PUM2: variants seen among roughly 807,000 people sequenced by gnomAD.
The protein encoded by PUM2 is pumilio homolog 2.
PUM2 carries 57 observed loss-of-function variants against 124.5 expected under a neutral mutation model. The observed-to-expected ratio is 0.46, with a 90% CI of 0.37 to 0.57. The LOEUF is 0.57. Ranked by LOEUF, PUM2 falls within the 20% of genes least tolerant of loss-of-function variation. The pLI is 0.00. For synonymous variants in PUM2, 460 were observed against 446.1 expected, an observed-to-expected ratio of 1.03 and a Z score of -0.39; for missense variants, 1,065 against 1,290.6, an observed-to-expected ratio of 0.83 and a Z score of 2.68.
At chr2:20,324,938 TAAA>T (rs35178527) in intron 2 of PUM2, among the ~76,000 whole-genome samples, 3 of 141,894 alleles carry the variant, frequency 2.1e-5, no homozygotes, top group African/African-American at 5.2e-5. Flanking sequence ...CGTTTTGCAT[TAAA>T]AAAAAAAAAA....
chr2:20,313,527 C>A (rs957189309), intron 3 of PUM2, among the ~76,000 whole-genome samples: 1 of 152,122 alleles, frequency 6.6e-6, no homozygotes, highest in African/African-American at 2.4e-5. Flanking sequence ...ATAATATAAA[C>A]CTTCAGGGAT....
chr2:20,335,971 G>C lies in PUM2; in HGVS notation c.-18-8593C>G, dbSNP rs77768072. 7.1e-3 allele frequency among the ~76,000 whole-genome samples: 1,075 copies of C among 152,188 alleles called. 18 individuals carry two copies. The highest frequency in any genetic ancestry group is 0.025 in the African/African-American group (1,038 of 41,528). ...CCTCTTATAAGGCATCCTCTCAACT[G>C]ACTTATTTGGAGAATCAAAATACTG... On this transcript the variant is annotated intron_variant, in intron 1 of 20. Transcript: ENST00000361078.
intron 11 of PUM2, 41 bp downstream of exon 11, chr2:20,283,302 C>A: frequency 6.2e-7 from 1 of 1,609,480 alleles, no homozygotes; most frequent in Non-Finnish European, 8.5e-7. Context: ...GGTATCTCAA[C>A]ACCAGAAAAA....
At chr2:20,330,906 C>T (rs889802845) in intron 1 of PUM2, among the ~76,000 whole-genome samples, 9 of 152,202 alleles carry the variant, frequency 5.9e-5, no homozygotes, top group Non-Finnish European at 1.2e-4. Context: ...ATGAGTTAGA[C>T]GACGCCCAGC....
At chr2:20,266,889 T>A (rs1393906449) in intron 13 of PUM2, among the ~76,000 whole-genome samples, 1 of 152,202 alleles carries the variant, frequency 6.6e-6, no homozygotes, top group African/African-American at 2.4e-5. Context: ...AAAGTTGGAA[T>A]AAAGTTGGCT....
chr2:20,254,160 T>C, intron 19 of PUM2, 146 bp from the exon 20 acceptor site: 2 of 772,186 alleles, frequency 2.6e-6, no homozygotes, highest in Middle Eastern at 3.9e-4. Context: ...TTTTATTTTA[T>C]TTTGTTCTTT....
At chr2:20,337,163 A>T (rs1250002775) in intron 1 of PUM2, among the ~76,000 whole-genome samples, 2 of 151,434 alleles carry the variant, frequency 1.3e-5, no homozygotes, top group African/African-American at 4.9e-5. Flanking sequence ...TATAGGCCTA[A>T]ATGTCAAAAA....
chr2:20,316,030 A>C (rs1484597585), intron 3 of PUM2, among the ~76,000 whole-genome samples: 1 of 152,108 alleles, frequency 6.6e-6, no homozygotes, highest in Non-Finnish European at 1.5e-5. Flanking sequence ...CAAATTACTA[A>C]ATATTTAAAA....
intron 13 of PUM2, among the ~76,000 whole-genome samples, chr2:20,278,058 T>C (rs1306442530): frequency 1.3e-5 from 2 of 152,116 alleles, no homozygotes; most frequent in Admixed American, 6.6e-5. Flanking sequence ...TTCTTTAACA[T>C]ATCCAAAAAA....
At chr2:20,255,765 C>T (rs370872390) in intron 17 of PUM2, among the ~76,000 whole-genome samples, 39 of 152,208 alleles carry the variant, frequency 2.6e-4, no homozygotes, top group African/African-American at 8.7e-4. Flanking sequence ...CTGAAAACAT[C>T]GTTGGGTATA....
At chr2:20,325,008 A>T (rs1236655985) in intron 2 of PUM2, among the ~76,000 whole-genome samples, 28 of 152,120 alleles carry the variant, frequency 1.8e-4, no homozygotes, top group Admixed American at 1.8e-3. Context: ...ATTTATTCCA[A>T]TGAATGAATT....
chr2:20,296,815 C>T (rs952905836), intron 8 of PUM2, among the ~76,000 whole-genome samples: 3 of 152,184 alleles, frequency 2.0e-5, no homozygotes, highest in Non-Finnish European at 2.9e-5. Flanking sequence ...ATCAGCAAAT[C>T]GCTTTGTTCA....
upstream of PUM2, chr2:20,350,935 T>G (rs929480415): frequency 3.5e-6 from 1 of 282,356 alleles, no homozygotes; most frequent in African/African-American, 2.3e-5. Context: ...ATGCCTTGCG[T>G]CCCTGCTCCC....
intron 8 of PUM2, among the ~76,000 whole-genome samples, 156 bp downstream of exon 8, chr2:20,297,397 T>C (rs1428295879): frequency 1.3e-5 from 2 of 152,170 alleles, no homozygotes; most frequent in African/African-American, 2.4e-5. Context: ...AGTTGAAAAA[T>C]AGTACTAACT....
rs1282809764 is a variant in PUM2, at chr2:20,308,063, C to G, written c.798G>C (p.Gln266His). ...GTTGAACTGTTAGTGCATTAGTCCT[C>G]TGAAAGAGCTATTAGGGAAAATATT... ...FDYNSQQQLFQRTNALTVQQL... is the reference protein window; with the variant it reads ...FDYNSQQQLFHRTNALTVQQL... Residue 266 changes from glutamine (Q) to histidine (H), a missense_variant, in exon 7 of 21, where the codon CAG becomes CAC. Physicochemically the swap from Gln to His is conservative, Grantham distance 24. Around this residue, in one of 3 missense-constraint regions of PUM2, gnomAD observed 968 missense variants for 1,159.8 expected, o/e 0.83. Coordinates refer to ENST00000361078, the MANE Select transcript of PUM2 (RefSeq NM_015317.5). 6.2e-7 allele frequency: 1 copy of G among 1,610,776 alleles called. No homozygotes were observed. The highest frequency in any genetic ancestry group is 1.1e-5 in the South Asian group (1 of 90,892).
At chr2:20,347,797 G>A (rs1688533248) in intron 1 of PUM2, among the ~76,000 whole-genome samples, 1 of 152,134 alleles carries the variant, frequency 6.6e-6, no homozygotes, top group Admixed American at 6.6e-5. Context: ...TTCTAACCCA[G>A]TCACAAGTAG....
intron 1 of PUM2, among the ~76,000 whole-genome samples, chr2:20,336,038 A>G (rs952735264): frequency 5.2e-5 from 7 of 134,982 alleles, no homozygotes; most frequent in African/African-American, 1.9e-4. Flanking sequence ...TACTACTTAG[A>G]TAAGATCTAC....
At chr2:20,342,322 T>C (rs1369542769) in intron 1 of PUM2, among the ~76,000 whole-genome samples, 2 of 152,174 alleles carry the variant, frequency 1.3e-5, no homozygotes, top group Admixed American at 6.5e-5. Context: ...CAGAAATAAG[T>C]GATCCCTTGT....
chr2:20,310,100 T>C (rs995691139), intron 5 of PUM2, among the ~76,000 whole-genome samples: 1 of 152,116 alleles, frequency 6.6e-6, no homozygotes. Flanking sequence ...CAATAATGTA[T>C]ATATTGATGA....
Sources: gnomAD v4.1 joint callset for allele counts (sites outside exome capture counted in the v4.1 genomes callset) on GRCh38, gnomAD v4.1.1 for gene constraint, gnomAD v4.1.1 regional missense constraint, MANE v1.5 for transcripts, NCBI Gene and HGNC (gene_info 2026-07-23, HGNC 2026-07-21) for gene names.